Variants in USP12 observed in about 807,000 individuals in gnomAD.
USP12 encodes ubiquitin specific peptidase 12, also known as ubiquitin carboxyl-terminal hydrolase 12.
A neutral mutation model predicts 45.5 loss-of-function variants in USP12; 19 were observed. The ratio of observed to expected loss-of-function variants is 0.42; its 90% confidence interval spans 0.29 to 0.61. The LOEUF (loss-of-function observed/expected upper bound fraction) is 0.61, where lower values mean the gene tolerates loss of function less well. Among genes scored for constraint, USP12 ranks in the 20% least tolerant of loss-of-function variants. The probability of loss-of-function intolerance (pLI) is 0.22; values close to 1 mark genes in which losing one functional copy is unlikely to be tolerated. For synonymous variants in USP12, 149 were observed against 148.8 expected, an observed-to-expected ratio of 1.00 and a Z score of -0.01; for missense variants, 242 against 447.7, an observed-to-expected ratio of 0.54 and a Z score of 4.15.
Position 27,069,273 on chromosome 13 carries a change from C to A in USP12, c.*10G>T. 6.3e-7 allele frequency: 1 copy of A among 1,598,548 alleles called. No homozygotes were observed. Among genetic ancestry groups the A allele is most frequent in the East Asian group, 2.2e-5 (1 of 44,804 alleles). ...TGAGGCAGAAAGTGTCTCTTCATCA[C>A]GGTTCCCTCTCAGTCCCGAGACTGA... On this transcript the variant is annotated 3_prime_UTR_variant, in exon 9 of 9. Transcript: ENST00000282344.
intron 6 of USP12, among the ~76,000 whole-genome samples, chr13:27,077,030 T>C (rs564551746): frequency 6.6e-6 from 1 of 152,332 alleles, no homozygotes; most frequent in South Asian, 2.1e-4. Flanking sequence ...ATTAGAGTTC[T>C]TTTACATTGT....
intron 1 of USP12, among the ~76,000 whole-genome samples, chr13:27,171,303 C>A (rs544862303): frequency 1.3e-3 from 202 of 149,818 alleles, no homozygotes; most frequent in African/African-American, 4.6e-3. Context: ...CTCCCGGAGG[C>A]CGGTGCCCGC....
intron 1 of USP12, among the ~76,000 whole-genome samples, chr13:27,148,118 G>C (rs1185796279): frequency 1.6e-5 from 2 of 128,948 alleles, no homozygotes; most frequent in Non-Finnish European, 3.3e-5. Flanking sequence ...AACAGAGCGA[G>C]ACCTATCTCA....
chr13:27,143,708 G>A (rs1266179152), intron 1 of USP12, among the ~76,000 whole-genome samples: 2 of 152,128 alleles, frequency 1.3e-5, no homozygotes, highest in African/African-American at 2.4e-5. Flanking sequence ...ATGATAACCT[G>A]CAATATGAAG....
At chr13:27,155,358 G>C (rs1178184866) in intron 1 of USP12, among the ~76,000 whole-genome samples, 1 of 152,058 alleles carries the variant, frequency 6.6e-6, no homozygotes, top group Non-Finnish European at 1.5e-5. Context: ...TGGGATCACA[G>C]GTGTGAGCCA....
At chr13:27,088,409 TC>T (rs1874165267) in intron 6 of USP12, among the ~76,000 whole-genome samples, 1 of 89,826 alleles carries the variant, frequency 1.1e-5, no homozygotes, top group Admixed American at 1.6e-4. Context: ...AGAGCGAGAC[TC>T]CGTCTCAAAA....
intron 1 of USP12, among the ~76,000 whole-genome samples, chr13:27,160,696 C>T (rs1355729969): frequency 1.3e-5 from 2 of 152,080 alleles, no homozygotes; most frequent in Non-Finnish European, 2.9e-5. Context: ...CAGCTTTAAA[C>T]CTCTAGGTCC....
chr13:27,122,590 T>G (rs545390468), intron 1 of USP12, among the ~76,000 whole-genome samples: 1 of 151,934 alleles, frequency 6.6e-6, no homozygotes, highest in South Asian at 2.1e-4. Context: ...AAGTGGAAGC[T>G]GCAGTGAGCC....
chr13:27,163,479 A>C (rs188282886), intron 1 of USP12, among the ~76,000 whole-genome samples: 24 of 152,192 alleles, frequency 1.6e-4, no homozygotes, highest in Non-Finnish European at 3.1e-4. Context: ...CTCTCCCAAA[A>C]CCACCTTCTC....
chr13:27,102,142 G>C (rs1359180748), intron 3 of USP12, among the ~76,000 whole-genome samples: 1 of 152,192 alleles, frequency 6.6e-6, no homozygotes, highest in African/African-American at 2.4e-5. Flanking sequence ...CAGTGAGTCA[G>C]AGCACACAAC....
At chr13:27,148,187 G>A (rs1877397014) in intron 1 of USP12, among the ~76,000 whole-genome samples, 2 of 151,458 alleles carry the variant, frequency 1.3e-5, no homozygotes, top group South Asian at 4.2e-4. Context: ...TATGCTAACA[G>A]ACATACCTTA....
intron 8 of USP12, 113 bp from the exon 9 acceptor site, chr13:27,069,497 A>G: frequency 1.2e-6 from 1 of 811,052 alleles, no homozygotes. Context: ...GGGAAAATGG[A>G]ACTCTCACAC....
chr13:27,076,907 C>T (rs923183208), intron 6 of USP12, among the ~76,000 whole-genome samples: 1 of 152,140 alleles, frequency 6.6e-6, no homozygotes, highest in East Asian at 1.9e-4. Flanking sequence ...TCCTAGAAAG[C>T]AATCCACCAA....
rs1216350689 is a variant in USP12, at chr13:27,171,520, G to A, written c.48+72C>T. 7.7e-6 allele frequency: 6 copies of A among 779,292 alleles called. No homozygotes were observed. In the Admixed American group the frequency reaches 2.0e-4, roughly 26 times the overall value. The allele number at this position is 779,292 out of a possible 1,614,324, so 48.3% of individuals were successfully genotyped here. On this transcript the variant is annotated intron_variant, in intron 1 of 8. Coordinates refer to ENST00000282344, the MANE Select transcript of USP12 (RefSeq NM_182488.4). ...TAGGCCCCGCGAGCGGCCACTGGGA[G>A]AGGCGGGTCCAGCGCCGCCCGCCCG...
intron 1 of USP12, among the ~76,000 whole-genome samples, chr13:27,134,283 C>T (rs942113901): frequency 2.0e-5 from 3 of 152,136 alleles, no homozygotes; most frequent in Non-Finnish European, 2.9e-5. Context: ...TAAAAGAAAG[C>T]GTTTTGATCA....
chr13:27,149,206 G>A lies in USP12; in HGVS notation c.48+22386C>T, dbSNP rs190984800. On this transcript the variant is annotated intron_variant, in intron 1 of 8. Coordinates refer to ENST00000282344, the MANE Select transcript of USP12 (RefSeq NM_182488.4). ...TTAACAAAAGAAAAGATTGATTTAC[G>A]GAATTAATAAAATAAAAGAGGAAAA... Among the ~76,000 whole-genome samples, 1,143 of 151,782 alleles carry A rather than the reference G, an allele frequency of 7.5e-3. 12 individuals carry two copies. The highest frequency in any genetic ancestry group is 8.4e-3 in the Non-Finnish European group (568 of 68,004).
At chr13:27,109,731 T>A (rs944085439) in intron 2 of USP12, among the ~76,000 whole-genome samples, 1 of 151,788 alleles carries the variant, frequency 6.6e-6, no homozygotes, top group Non-Finnish European at 1.5e-5. Flanking sequence ...CTGGCCAACA[T>A]GGTGAAACCC....
intron 1 of USP12, among the ~76,000 whole-genome samples, chr13:27,141,391 T>A (rs1351897553): frequency 6.6e-6 from 1 of 152,202 alleles, no homozygotes; most frequent in East Asian, 1.9e-4. Flanking sequence ...GACACCTCTG[T>A]AGTAATGAGC....
intron 1 of USP12, among the ~76,000 whole-genome samples, chr13:27,166,347 T>C (rs1409491968): frequency 2.0e-5 from 3 of 152,194 alleles, no homozygotes; most frequent in Non-Finnish European, 4.4e-5. Flanking sequence ...AGATACTTCC[T>C]GAGACAATAA....
Sources: gnomAD v4.1 joint callset for allele counts (sites outside exome capture counted in the v4.1 genomes callset) on GRCh38, gnomAD v4.1.1 for gene constraint, MANE v1.5 for transcripts, NCBI Gene and HGNC (gene_info 2026-07-23, HGNC 2026-07-21) for gene names.